Variants in TRPV4 observed in about 807,000 individuals in gnomAD.
The protein encoded by TRPV4 is transient receptor potential cation channel subfamily V member 4, also known as OSM9-like transient receptor potential channel 4.
In TRPV4, 58 loss-of-function variants were observed where a neutral mutation model predicts 84.1. That is an observed-to-expected ratio of 0.69 (90% CI 0.56 to 0.86). The LOEUF (loss-of-function observed/expected upper bound fraction) is 0.86, where lower values mean the gene tolerates loss of function less well. Ranked by LOEUF, TRPV4 falls within the 40% of genes least tolerant of loss-of-function variation. TRPV4 has a pLI of 0.00. For missense variants in TRPV4, 879 were observed against 1,181.1 expected, an observed-to-expected ratio of 0.74 and a Z score of 3.75; for synonymous variants, 489 against 500.9, an observed-to-expected ratio of 0.98 and a Z score of 0.32.
chr12:109,821,821 C>A (rs550061236), intron 1 of TRPV4, among the ~76,000 whole-genome samples: 5 of 152,230 alleles, frequency 3.3e-5, no homozygotes, highest in Non-Finnish European at 5.9e-5. Context: ...TGTGAGCCAC[C>A]GCACCCGGCC....
chr12:109,804,732 C>G (rs1410412857), intron 3 of TRPV4, among the ~76,000 whole-genome samples: 1 of 152,200 alleles, frequency 6.6e-6, no homozygotes, highest in African/African-American at 2.4e-5. Context: ...AGAGGCGACA[C>G]CAAACCTCTC....
chr12:109,788,751 G>T, intron 12 of TRPV4, 35 bp from the exon 13 acceptor site: 1 of 1,609,712 alleles, frequency 6.2e-7, no homozygotes, highest in South Asian at 1.1e-5. Context: ...CACTGAGTGT[G>T]AGCACACCCA....
rs144428780 is a variant in TRPV4 at position 109,832,109 on chromosome 12, C to T, written c.-32+1241G>A. Reference sequence around the variant, plus strand: ...AGCCCTGGGGGCTTGCCCTCAGGCACCCCAGTATTACAGAGGAGAGAACAC... The same window carrying T: ...AGCCCTGGGGGCTTGCCCTCAGGCATCCCAGTATTACAGAGGAGAGAACAC... On this transcript the variant is annotated intron_variant, in intron 1 of 15. Transcript: ENST00000261740. Among the ~76,000 whole-genome samples, 935 of 152,314 alleles carry T rather than the reference C, an allele frequency of 6.1e-3. 11 individuals are homozygous for T. Among genetic ancestry groups the T allele is most frequent in the African/African-American group, 0.021 (867 of 41,572 alleles).
At chr12:109,803,177 T>C (rs1397258570) in intron 3 of TRPV4, 34 bp from the exon 4 acceptor site, 28 of 1,611,922 alleles carry the variant, frequency 1.7e-5, no homozygotes, top group Non-Finnish European at 2.0e-5. Flanking sequence ...GACGCAGTGC[T>C]CCAGCCCATG....
chr12:109,796,542 A>G lies in TRPV4; in HGVS notation c.1315T>C (p.Tyr439His), dbSNP rs762416745. Reference protein sequence around the residue: ...EEASVLEILVYNSKIENRHEM... With the variant: ...EEASVLEILVHNSKIENRHEM... ...GAGCCCACCTCAATCTTGCTGTTGT[A>G]CACCAGGATCTCCAGCACGGAGGCC... is the stretch of plus-strand genomic sequence containing the variant. Residue 439 changes from tyrosine to histidine, a missense_variant, in exon 7 of 16, where the codon TAC becomes CAC. This residue lies in a region of TRPV4 where 521 missense variants were observed against 686.6 expected (regional missense o/e 0.76). Coordinates refer to ENST00000261740, the MANE Select transcript of TRPV4 (RefSeq NM_021625.5). This position sits in a 1 kb window ranked among gnomAD's most constrained non-coding sequence, Gnocchi z 4.2. 1 of 1,613,770 alleles carries G rather than the reference A, an allele frequency of 6.2e-7. No homozygotes were observed. The highest frequency in any genetic ancestry group is 8.5e-7 in the Non-Finnish European group (1 of 1,179,976).
intron 12 of TRPV4, among the ~76,000 whole-genome samples, chr12:109,791,152 G>A (rs188732568): frequency 1.3e-5 from 2 of 152,316 alleles, no homozygotes; most frequent in Admixed American, 1.3e-4. Context: ...GGAGGCCAAG[G>A]TGGGTGGATC....
chr12:109,808,600 G>A, intron 2 of TRPV4, 132 bp from the exon 3 acceptor site: 1 of 792,426 alleles, frequency 1.3e-6, no homozygotes, highest in Non-Finnish European at 2.0e-6. Context: ...GGGTGAGGTA[G>A]TTGGGGCAGA....
rs2136502657 is a variant in TRPV4 at position 109,796,565 on chromosome 12, G to A, written c.1292C>T (p.Ala431Val). The A allele has an allele frequency of 2.5e-6, 4 of 1,614,112 alleles. No individual in the cohort carries two copies. In the South Asian group the frequency reaches 3.3e-5, roughly 13 times the overall value. Residue 431 changes from alanine (A) to valine (V), a missense_variant, in exon 7 of 16, where the codon GCC (alanine) becomes GTC (valine). Ala to Val is a moderately conservative substitution (Grantham distance 64). This residue lies in a region of TRPV4 where 521 missense variants were observed against 686.6 expected (regional missense o/e 0.76). Transcript: ENST00000261740. The surrounding 1 kb of genome is among the most constrained non-coding windows in gnomAD (Gnocchi z 4.2). ...LSSLDTCGEE[A>V]SVLEILVYNS... Reference sequence around the variant, plus strand: ...GTACACCAGGATCTCCAGCACGGAGGCCTCTTCCCCACACGTGTCCAGGGA... The same window carrying A: ...GTACACCAGGATCTCCAGCACGGAGACCTCTTCCCCACACGTGTCCAGGGA...
chr12:109,811,048 C>A (rs1019954300), intron 2 of TRPV4, among the ~76,000 whole-genome samples: 1 of 152,140 alleles, frequency 6.6e-6, no homozygotes, highest in Admixed American at 6.5e-5. Context: ...CAGCCTTAGG[C>A]CCTTGCACTC....
chr12:109,808,448 T>C lies in TRPV4; in HGVS notation c.407A>G (p.Lys136Arg), dbSNP rs1891281000. 1.2e-6 allele frequency: 2 copies of C among 1,613,330 alleles called. No individual in the cohort carries two copies. Among genetic ancestry groups the C allele is most frequent in the Non-Finnish European group, 1.7e-6 (2 of 1,179,414 alleles). The change falls in exon 3 of 16, where the codon AAA (lysine) becomes AGA (arginine). Residue 136 changes from lysine (K) to arginine (R), a missense_variant. By Grantham distance (26) the Lys-to-Arg change is conservative. Around this residue, in one of 4 missense-constraint regions of TRPV4, gnomAD observed 521 missense variants for 686.6 expected, o/e 0.76. Coordinates refer to ENST00000261740, the MANE Select transcript of TRPV4 (RefSeq NM_021625.5). ...KIIEKQPQSP[K>R]APAPQPPPIL... ...GGGGGGCGGCTGAGGGGCAGGGGCT[T>C]TGGGGCTCTGCGGCTGCTTCCTGGA...
chr12:109,818,532 T>C (rs1215011058), intron 1 of TRPV4, among the ~76,000 whole-genome samples: 2 of 152,078 alleles, frequency 1.3e-5, no homozygotes, highest in Non-Finnish European at 2.9e-5. Flanking sequence ...TTACAGTGTC[T>C]CCTTCAAGCT....
chr12:109,829,474 A>G (rs1386609519), intron 1 of TRPV4, among the ~76,000 whole-genome samples: 2 of 152,240 alleles, frequency 1.3e-5, no homozygotes, highest in Admixed American at 6.5e-5. Flanking sequence ...CTGAAAACAT[A>G]TCATTATTTG....
chr12:109,794,626 G>C (rs1391809961), intron 7 of TRPV4, 139 bp from the exon 8 acceptor site: 1 of 900,866 alleles, frequency 1.1e-6, no homozygotes, highest in Non-Finnish European at 1.8e-6. Flanking sequence ...TGCATTCACG[G>C]ATTCATGAAT....
At position 109,794,400 on chromosome 12, in the gene TRPV4, T is replaced by C. The variant is rs1890255014; in HGVS notation, c.1420A>G (p.Asn474Asp). The change falls in exon 8 of 16, where the codon AAC becomes GAC. Residue 474 changes from asparagine (N) to aspartate (D), a missense_variant. Physicochemically the swap from Asn to Asp is conservative, Grantham distance 23. Coordinates refer to ENST00000261740, the MANE Select transcript of TRPV4 (RefSeq NM_021625.5). Reference sequence around the variant, plus strand: ...ATGGCACACAGGTAGGAGACCACGTTGATGTAGAAGGAGACGGCCCCGAAC... The same window carrying C: ...ATGGCACACAGGTAGGAGACCACGTCGATGTAGAAGGAGACGGCCCCGAAC... ...RKFGAVSFYI[N>D]VVSYLCAMVI... 6.2e-7 allele frequency: 1 copy of C among 1,613,768 alleles called. No homozygotes were observed. Among genetic ancestry groups the C allele is most frequent in the African/African-American group, 1.3e-5 (1 of 74,864 alleles).
Position 109,814,225 on chromosome 12 carries a change from G to T in TRPV4, c.386+186C>A, listed in dbSNP as rs556527654. 2.0e-5 allele frequency among the ~76,000 whole-genome samples: 3 copies of T among 152,060 alleles called. No individual in the cohort carries two copies. The East Asian group carries it at 5.8e-4, about 30-fold the overall frequency. On this transcript the variant is annotated intron_variant, in intron 2 of 15. Coordinates refer to ENST00000261740, the MANE Select transcript of TRPV4 (RefSeq NM_021625.5). The surrounding 1 kb of genome is among the most constrained non-coding windows in gnomAD (Gnocchi z 5.4). Reference sequence around the variant, plus strand: ...GAATAGATGGGTGGTTGGATGGATGGATGGACGGATGATATATGGATAGGG... The same window carrying T: ...GAATAGATGGGTGGTTGGATGGATGTATGGACGGATGATATATGGATAGGG...
At chr12:109,809,088 T>A (rs1267594668) in intron 2 of TRPV4, among the ~76,000 whole-genome samples, 1 of 133,602 alleles carries the variant, frequency 7.5e-6, no homozygotes, top group East Asian at 2.7e-4. Context: ...CACTCATCCA[T>A]CCATCCATCC....
chr12:109,791,618 G>A (rs1890037892), intron 12 of TRPV4, among the ~76,000 whole-genome samples: 1 of 150,820 alleles, frequency 6.6e-6, no homozygotes, highest in South Asian at 2.1e-4. Context: ...GAGTAGCTGG[G>A]TCTATAGTTG....
Position 109,786,540 on chromosome 12 carries a change from G to A in TRPV4, c.2336+170C>T, listed in dbSNP as rs1192631232. Reference sequence around the variant, plus strand: ...GATGAAGAAACTGAGGCTGAGAGAGGTGGGCTGACTTGCCTGAGATCGCCT... The same window carrying A: ...GATGAAGAAACTGAGGCTGAGAGAGATGGGCTGACTTGCCTGAGATCGCCT... On this transcript the variant is annotated intron_variant, in intron 14 of 15. Coordinates refer to ENST00000261740, the MANE Select transcript of TRPV4 (RefSeq NM_021625.5). The surrounding 1 kb of genome is among the most constrained non-coding windows in gnomAD (Gnocchi z 4.5). Among the ~76,000 whole-genome samples the A allele has an allele frequency of 6.6e-6, 1 of 152,232 alleles. No individual in the cohort carries two copies. Among genetic ancestry groups the A allele is most frequent in the Non-Finnish European group, 1.5e-5 (1 of 68,046 alleles).
At chr12:109,785,085 G>A (rs1889605846) in intron 14 of TRPV4, among the ~76,000 whole-genome samples, 2 of 152,000 alleles carry the variant, frequency 1.3e-5, no homozygotes, top group South Asian at 2.1e-4. Context: ...GCAGTGGCAC[G>A]ATCACAGCTC....
Sources: allele counts gnomAD v4.1 joint callset (sites outside exome capture counted in the v4.1 genomes callset), GRCh38; gene constraint gnomAD v4.1.1; regional missense constraint gnomAD v4.1.1; non-coding constraint Gnocchi (gnomAD v3.1); transcripts MANE v1.5; gene names NCBI Gene and HGNC (gene_info 2026-07-23, HGNC 2026-07-21).